The following PCDHGA1 variants were observed in gnomAD, a reference collection of about 807,000 sequenced individuals.
PCDHGA1 encodes the protein protocadherin gamma-A1.
A neutral mutation model predicts 58.0 loss-of-function variants in PCDHGA1; 32 were observed. The observed-to-expected ratio is 0.55, with a 90% confidence interval of 0.42 to 0.74. The LOEUF is 0.74. Among genes scored for constraint, PCDHGA1 ranks in the 30% least tolerant of loss-of-function variants. The pLI is 0.00. For missense variants in PCDHGA1, 1,205 were observed against 1,182.3 expected (o/e 1.02, Z -0.28); for synonymous variants, 498 against 501.1 (o/e 0.99, Z 0.08).
rs1756390469 is a variant in PCDHGA1 at position 141,332,130 on chromosome 5, T to A, written c.1446T>A (p.Asn482Lys). Reference sequence around the variant, plus strand: ...TGAGGGCCCACGACTTGGACAGCAATGAGAATGCACAAATCACTTACTCCC... The same window carrying A: ...TGAGGGCCCACGACTTGGACAGCAAAGAGAATGCACAAATCACTTACTCCC... ...FSVRAHDLDS[N>K]ENAQITYSLI... Residue 482 changes from asparagine (N) to lysine (K), a missense_variant, in exon 1 of 4, where the codon AAT (asparagine) becomes AAA (lysine). Asn to Lys is a moderately conservative substitution (Grantham distance 94). Coordinates refer to ENST00000517417, the MANE Select transcript of PCDHGA1 (RefSeq NM_018912.3). This position sits in a 1 kb window ranked among gnomAD's most constrained non-coding sequence, Gnocchi z 4.6. 1.9e-6 allele frequency: 3 copies of A among 1,614,082 alleles called. No homozygotes were observed. Among genetic ancestry groups the A allele is most frequent in the Non-Finnish European group, 2.5e-6 (3 of 1,179,994 alleles).
chr5:141,431,867 A>C lies in PCDHGA1; in HGVS notation c.2422-62940A>C. On this transcript the variant is annotated intron_variant, in intron 1 of 3. Transcript: ENST00000517417. The surrounding 1 kb of genome is among the most constrained non-coding windows in gnomAD (Gnocchi z 4.8). ...CAGAGGGACATTAATTGCCCTTTTA[A>C]ATGTAAATGACCAAGATTCTGAGGA... 6.2e-7 allele frequency: 1 copy of C among 1,614,226 alleles called. No individual in the cohort carries two copies. Among genetic ancestry groups the C allele is most frequent in the Non-Finnish European group, 8.5e-7 (1 of 1,180,024 alleles).
At chr5:141,426,764 T>C (rs1285434687) in intron 1 of PCDHGA1, 5 of 456,638 alleles carry the variant, frequency 1.1e-5, no homozygotes, top group Non-Finnish European at 2.2e-5. Flanking sequence ...TAGATGCAGA[T>C]GTAGGGCCTC....
chr5:141,331,397 A>G lies in PCDHGA1; in HGVS notation c.713A>G (p.Asn238Ser), dbSNP rs1756355401. Reference sequence around the variant, plus strand: ...ATTCAGGTGGTGGATGCAAATGACAATCCTCCAGCATTTACTCAGGCACAA... The same window carrying G: ...ATTCAGGTGGTGGATGCAAATGACAGTCCTCCAGCATTTACTCAGGCACAA... ...IYIQVVDAND[N>S]PPAFTQAQYH... The change falls in exon 1 of 4, where the codon AAT becomes AGT. Residue 238 changes from asparagine (N) to serine (S), a missense_variant. Asn to Ser is a conservative substitution (Grantham distance 46, BLOSUM62 1). Coordinates refer to ENST00000517417, the MANE Select transcript of PCDHGA1 (RefSeq NM_018912.3). 2 of 1,613,958 alleles carry G rather than the reference A, an allele frequency of 1.2e-6. No individual in the cohort carries two copies. The highest frequency in any genetic ancestry group is 8.5e-7 in the Non-Finnish European group (1 of 1,180,040).
At chr5:141,345,902 G>C (rs756300628) in intron 1 of PCDHGA1, 18 of 1,611,582 alleles carry the variant, frequency 1.1e-5, no homozygotes, top group African/African-American at 1.3e-5. Flanking sequence ...GTCTGCACAC[G>C]GGCGAGGTGC....
At chr5:141,414,046 A>G (rs780040293) in intron 1 of PCDHGA1, 1 of 1,611,254 alleles carries the variant, frequency 6.2e-7, no homozygotes, top group Non-Finnish European at 8.5e-7. Context: ...ATTACCTGAC[A>G]CGCAATTGTT....
intron 1 of PCDHGA1, among the ~76,000 whole-genome samples, chr5:141,455,899 ATTT>A (rs1561962776): frequency 1.3e-5 from 2 of 148,258 alleles, no homozygotes; most frequent in Non-Finnish European, 3.0e-5. Flanking sequence ...TTATTTATTT[ATTT>A]ATTTATTTAT....
At chr5:141,415,476 G>A (rs765634887) in intron 1 of PCDHGA1, 1 of 1,614,076 alleles carries the variant, frequency 6.2e-7, no homozygotes. Context: ...CCGCGGACTC[G>A]CGAAAGAGTC....
chr5:141,410,090 C>A (rs369832481), intron 1 of PCDHGA1: 51 of 1,612,358 alleles, frequency 3.2e-5, no homozygotes, highest in Middle Eastern at 1.7e-4. Context: ...GCGCACGGCT[C>A]GAGCCTTAGG....
In PCDHGA1 at chr5:141,432,085, G is replaced by A. The variant is rs144065251; in HGVS notation, c.2422-62722G>A. 2.2e-4 allele frequency: 353 copies of A among 1,614,164 alleles called. 1 individual carries two copies. The African/African-American group carries it at 4.2e-3, about 19-fold the overall frequency. ...CGGAAACTCATATCTCGCTGAACGT[G>A]GCAGACACCAACGACAACCCGCCGG... On this transcript the variant is annotated intron_variant, in intron 1 of 3. Transcript: ENST00000517417. This position sits in a 1 kb window ranked among gnomAD's most constrained non-coding sequence, Gnocchi z 6.0.
intron 1 of PCDHGA1, chr5:141,410,127 T>A (rs761667108): frequency 3.7e-6 from 6 of 1,612,926 alleles, no homozygotes; most frequent in Non-Finnish European, 5.1e-6. Context: ...CGCCAGCGCC[T>A]GCTGGTCGCT....
intron 1 of PCDHGA1, among the ~76,000 whole-genome samples, chr5:141,453,996 C>T (rs2098779349): frequency 6.6e-6 from 1 of 152,128 alleles, no homozygotes; most frequent in Admixed American, 6.6e-5. Context: ...GTGATAAACC[C>T]ACATAACATT....
chr5:141,442,051 C>G (rs1384937090), intron 1 of PCDHGA1: 1 of 197,158 alleles, frequency 5.1e-6, no homozygotes, highest in East Asian at 1.8e-4. Context: ...CTACTGGTCG[C>G]GGTGCACTGC....
At position 141,349,050 on chromosome 5, in the gene PCDHGA1, C is replaced by A. The variant is rs1040330832; in HGVS notation, c.2421+15945C>A. Among the ~76,000 whole-genome samples the A allele has an allele frequency of 7.9e-5, 12 of 152,130 alleles. No homozygotes were observed. The East Asian group carries it at 2.3e-3, about 29-fold the overall frequency. ...CGTTTTGCTCATTAATGGTATAAGTCGGCTGGAGCTGAGAATTGGCATTAT... is the reference window on the plus strand; with the variant it reads ...CGTTTTGCTCATTAATGGTATAAGTAGGCTGGAGCTGAGAATTGGCATTAT... On this transcript the variant is annotated intron_variant, in intron 1 of 3. Transcript: ENST00000517417.
chr5:141,339,943 T>A (rs1419934644), intron 1 of PCDHGA1: 2 of 1,614,194 alleles, frequency 1.2e-6, no homozygotes, highest in South Asian at 2.2e-5. Context: ...CTCAGGATGG[T>A]CCGGGCCTTC....
At chr5:141,355,419 G>A in intron 1 of PCDHGA1, 1 of 1,614,042 alleles carries the variant, frequency 6.2e-7, no homozygotes, top group South Asian at 1.1e-5. Flanking sequence ...GTAGGACGCA[G>A]CTTTTCGCCC....
chr5:141,440,481 T>C (rs1451820594), intron 1 of PCDHGA1: 1 of 152,196 alleles, frequency 6.6e-6, no homozygotes, highest in African/African-American at 2.4e-5. Context: ...GAAAATTCTT[T>C]AAATGTTTTT....
At chr5:141,464,024 G>A (rs2099074308) in intron 1 of PCDHGA1, among the ~76,000 whole-genome samples, 1 of 151,996 alleles carries the variant, frequency 6.6e-6, no homozygotes, top group East Asian at 1.9e-4. Context: ...CCACACTTTG[G>A]GAGGCCAAGG....
At chr5:141,502,815 TTTCC>T in intron 2 of PCDHGA1, among the ~76,000 whole-genome samples, 1 of 151,372 alleles carries the variant, frequency 6.6e-6, no homozygotes, top group East Asian at 1.9e-4. Context: ...TTCACTGTCT[TTTCC>T]TTGGGGAAGC....
intron 1 of PCDHGA1, among the ~76,000 whole-genome samples, chr5:141,475,097 T>C (rs180692931): frequency 6.6e-6 from 1 of 152,370 alleles, no homozygotes; most frequent in East Asian, 1.9e-4. Context: ...TTTATAAAGA[T>C]CCTAGGTGGT....
Sources: gnomAD v4.1 joint callset for allele counts (sites outside exome capture counted in the v4.1 genomes callset) on GRCh38, gnomAD v4.1.1 for gene constraint, Gnocchi (gnomAD v3.1) non-coding constraint, MANE v1.5 for transcripts, NCBI Gene and HGNC (gene_info 2026-07-23, HGNC 2026-07-21) for gene names.